The following BAHCC1 variants were observed in gnomAD, a reference collection of about 807,000 sequenced individuals.
The protein encoded by BAHCC1 is BAH domain and coiled-coil containing 1, also known as BAH and coiled-coil domain-containing protein 1.
BAHCC1 carries 43 observed loss-of-function variants against 88.2 expected under a neutral mutation model. The observed-to-expected ratio is 0.49, with a 90% CI of 0.38 to 0.63. BAHCC1 has a LOEUF of 0.63. Among genes scored for constraint, BAHCC1 ranks in the 20% least tolerant of loss-of-function variants. BAHCC1 has a pLI of 0.00. For missense variants in BAHCC1, 3,023 were observed against 1,654.8 expected (o/e 1.83, Z -14.34); for synonymous variants, 1,510 against 745.5 (o/e 2.03, Z -16.71).
Position 81,395,515 on chromosome 17 carries a change from G to A in BAHCC1, c.-327G>A, listed in dbSNP as rs898403356. ...TGGGCTCGCTAGAGTCGTTGTTGTG[G>A]AAGCGGTGCATTTACAGTGCAACAG... On this transcript the variant is annotated 5_prime_UTR_variant, in exon 1 of 28. It introduces an in-frame stop codon into an upstream open reading frame of the 5' UTR. Coordinates refer to ENST00000675386, the MANE Select transcript of BAHCC1 (RefSeq NM_001377448.1). 4 of 152,224 alleles carry A rather than the reference G, an allele frequency of 2.6e-5. No individual in the cohort carries two copies. The highest frequency in any genetic ancestry group is 4.8e-5 in the African/African-American group (2 of 41,462). 9.4% of individuals were successfully genotyped at this position (152,224 alleles called of 1,614,324 possible).
intron 3 of BAHCC1, among the ~76,000 whole-genome samples, chr17:81,436,318 C>CTGG (rs1568013443): frequency 2.6e-5 from 4 of 152,208 alleles, no homozygotes; most frequent in African/African-American, 9.6e-5. Flanking sequence ...CCCGCAGCTG[C>CTGG]CCCCAGAGGG....
chr17:81,411,006 C>G lies in BAHCC1; in HGVS notation c.178+11089C>G, dbSNP rs2063943051. ...GAGGGCTTCGGAGCCGCACCTGGGT[C>G]TTTGTTGTCCATATGTCTGTGTGAA... On this transcript the variant is annotated intron_variant, in intron 2 of 27. Transcript: ENST00000675386. The surrounding 1 kb of genome is among the most constrained non-coding windows in gnomAD (Gnocchi z 6.2). The G allele has an allele frequency of 5.9e-6, 3 of 507,116 alleles. No individual in the cohort carries two copies. Among genetic ancestry groups the G allele is most frequent in the Non-Finnish European group, 1.2e-5 (3 of 254,338 alleles). 31.4% of individuals were successfully genotyped at this position (507,116 alleles called of 1,614,324 possible).
intron 3 of BAHCC1, among the ~76,000 whole-genome samples, chr17:81,431,397 AGTG>A (rs2064259873): frequency 6.6e-6 from 1 of 152,052 alleles, no homozygotes; most frequent in Admixed American, 6.5e-5. Flanking sequence ...GTCACTGTTG[AGTG>A]CAGGGGTTTC....
chr17:81,421,976 C>T (rs1555649641), intron 2 of BAHCC1: 2 of 412,154 alleles, frequency 4.9e-6, no homozygotes, highest in Non-Finnish European at 9.7e-6. Context: ...GCGAGGGCCT[C>T]AGGGCCGGGG....
Position 81,430,716 on chromosome 17 carries a change from T to C in BAHCC1, c.358+3737T>C, listed in dbSNP as rs956457973. Reference sequence around the variant, plus strand: ...GGCCCCAGCTCCATCCTTCCTGTGATGCCTGCCAGGGACCTGCTGCTTCCT... The same window carrying C: ...GGCCCCAGCTCCATCCTTCCTGTGACGCCTGCCAGGGACCTGCTGCTTCCT... On this transcript the variant is annotated intron_variant, in intron 3 of 27. Coordinates refer to ENST00000675386, the MANE Select transcript of BAHCC1 (RefSeq NM_001377448.1). Among the ~76,000 whole-genome samples the C allele has an allele frequency of 3.7e-4, 56 of 152,230 alleles. No homozygotes were observed. In the East Asian group the frequency reaches 9.1e-3, roughly 25 times the overall value.
chr17:81,409,266 G>T (rs1365042371), intron 2 of BAHCC1, among the ~76,000 whole-genome samples: 1 of 152,234 alleles, frequency 6.6e-6, no homozygotes, highest in African/African-American at 2.4e-5. Flanking sequence ...ACACCTTAAA[G>T]GGTGTCAGAG....
Position 81,411,175 on chromosome 17 carries a change from C to T in BAHCC1, c.178+11258C>T. The stretch of plus-strand genomic sequence containing the variant: ...CAGGTGCCTGTGTCCTGTCTCTGCC[C>T]CAGGCTGAGGCCGAGGGTCTGCGCC... On this transcript the variant is annotated intron_variant, in intron 2 of 27. Transcript: ENST00000675386. The surrounding 1 kb of genome is among the most constrained non-coding windows in gnomAD (Gnocchi z 6.2). The T allele has an allele frequency of 1.9e-6, 1 of 518,696 alleles. No individual in the cohort carries two copies. Among genetic ancestry groups the T allele is most frequent in the African/African-American group, 1.9e-5 (1 of 52,034 alleles). The allele number at this position is 518,696 out of a possible 1,614,324, so 32.1% of individuals were successfully genotyped here.
intron 2 of BAHCC1, chr17:81,401,658 G>A (rs563148409): frequency 1.3e-5 from 2 of 152,318 alleles, no homozygotes; most frequent in South Asian, 2.1e-4. Flanking sequence ...GGGGGTAGGG[G>A]GATTGTGTGC....
At chr17:81,417,559 C>CG (rs1271615389) in intron 2 of BAHCC1, among the ~76,000 whole-genome samples, 1 of 98,608 alleles carries the variant, frequency 1.0e-5, no homozygotes, top group African/African-American at 3.6e-5. Flanking sequence ...TCGGCCACCC[C>CG]CCCCCCGCCC....
intron 3 of BAHCC1, among the ~76,000 whole-genome samples, chr17:81,436,186 A>G (rs1046689890): frequency 6.6e-6 from 1 of 152,000 alleles, no homozygotes; most frequent in Admixed American, 6.5e-5. Flanking sequence ...GGACCCAAGC[A>G]GGCAAGGATG....
chr17:81,452,641 G>A (rs1180176958), intron 13 of BAHCC1, 82 bp from the exon 14 acceptor site: 11 of 604,906 alleles, frequency 1.8e-5, no homozygotes, highest in Non-Finnish European at 2.7e-5. Context: ...AGTAGCCCTC[G>A]AAGGCCAATG....
Position 81,442,519 on chromosome 17 carries a change from C to T in BAHCC1, c.1170C>T (p.Ser390=), listed in dbSNP as rs373968792. 2.9e-4 allele frequency: 207 copies of T among 725,336 alleles called. 1 individual carries two copies. The highest frequency in any genetic ancestry group is 8.2e-5 in the Non-Finnish European group (32 of 390,828). The allele number at this position is 725,336 out of a possible 1,614,324, so 44.9% of individuals were successfully genotyped here. The part of the protein sequence containing the change: ...QDKAPRDLKA[S]GPTFVPSVGH... ...AAGCCCCCCGGGACCTAAAGGCCAG[C>T]GGGCCCACCTTCGTGCCTTCTGTGG... is the stretch of plus-strand genomic sequence containing the variant. The change falls in exon 5 of 28, where the codon AGC becomes AGT. Residue 390 remains serine (S), a synonymous_variant. Transcript: ENST00000675386.
Position 81,464,880 on chromosome 17 carries a change from C to G in BAHCC1, c.*1063C>G, listed in dbSNP as rs1304122037. 24 of 152,470 alleles carry G rather than the reference C, an allele frequency of 1.6e-4. No homozygotes were observed. The highest frequency in any genetic ancestry group is 5.8e-4 in the African/African-American group (24 of 41,568). The allele number at this position is 152,470 out of a possible 1,614,324, so 9.4% of individuals were successfully genotyped here. A position where few individuals can be genotyped will look rare whatever the true frequency, so the allele number is the denominator to read the frequency against. ...CAGGGCCCAGCTCTGAGCCCCTCCTCACCCCTGGGGTCCTAACTTTCCTGA... is the reference window on the plus strand; with the variant it reads ...CAGGGCCCAGCTCTGAGCCCCTCCTGACCCCTGGGGTCCTAACTTTCCTGA... On this transcript the variant is annotated 3_prime_UTR_variant, in exon 28 of 28. Transcript: ENST00000675386.
At chr17:81,460,090 G>GGC (rs1404137247) in intron 23 of BAHCC1, among the ~76,000 whole-genome samples, 187 bp from the exon 24 acceptor site, 12 of 152,258 alleles carry the variant, frequency 7.9e-5, no homozygotes, top group African/African-American at 2.6e-4. Context: ...TCACATGGGA[G>GGC]GCACTGCAGG....
At chr17:81,417,562 C>CCG (rs1555648940) in intron 2 of BAHCC1, among the ~76,000 whole-genome samples, 3 of 144,722 alleles carry the variant, frequency 2.1e-5, no homozygotes, top group East Asian at 2.2e-4. Flanking sequence ...GCCACCCCCC[C>CCG]CCCGCCCTAG....
Position 81,411,837 on chromosome 17 carries a change from C to T in BAHCC1, c.178+11920C>T, listed in dbSNP as rs1165468554. The stretch of plus-strand genomic sequence containing the variant: ...GCAAGGTCGTTCCCGACAAGCCCCT[C>T]ACCGCCCCGGCCCCTGCCCCTCCAC... On this transcript the variant is annotated intron_variant, in intron 2 of 27. Coordinates refer to ENST00000675386, the MANE Select transcript of BAHCC1 (RefSeq NM_001377448.1). The surrounding 1 kb of genome is among the most constrained non-coding windows in gnomAD (Gnocchi z 6.2). Among the ~76,000 whole-genome samples, 1 of 152,234 alleles carries T rather than the reference C, an allele frequency of 6.6e-6. No individual in the cohort carries two copies. Among genetic ancestry groups the T allele is most frequent in the Non-Finnish European group, 1.5e-5 (1 of 68,040 alleles).
chr17:81,427,326 C>T (rs2064212124), intron 3 of BAHCC1, among the ~76,000 whole-genome samples: 1 of 152,158 alleles, frequency 6.6e-6, no homozygotes, highest in Admixed American at 6.5e-5. Context: ...GTGGCCGTGC[C>T]CCACCTCCCC....
chr17:81,437,999 G>A (rs2064358961), intron 3 of BAHCC1, among the ~76,000 whole-genome samples: 1 of 152,246 alleles, frequency 6.6e-6, no homozygotes, highest in Non-Finnish European at 1.5e-5. Context: ...TTTGGCCAGG[G>A]CCTTGGCGCA....
Position 81,442,143 on chromosome 17 carries a change from G to T in BAHCC1, c.794G>T (p.Gly265Val). 1.5e-6 allele frequency: 1 copy of T among 660,728 alleles called. No homozygotes were observed. The highest frequency in any genetic ancestry group is 1.7e-5 in the South Asian group (1 of 59,496). 40.9% of individuals were successfully genotyped at this position (660,728 alleles called of 1,614,324 possible). ...CCAGCCGACGGGCACTGCAGGGAGG[G>T]CGGCCCCGCACCCCGAGGGGCCTGC... is the stretch of plus-strand genomic sequence containing the variant. ...PVPADGHCRE[G>V]GPAPRGACEG... The change falls in exon 5 of 28, where the codon GGC (glycine) becomes GTC (valine). Residue 265 changes from glycine (G) to valine (V), a missense_variant. Coordinates refer to ENST00000675386, the MANE Select transcript of BAHCC1 (RefSeq NM_001377448.1).
Sources: allele counts gnomAD v4.1 joint callset (sites outside exome capture counted in the v4.1 genomes callset), GRCh38; gene constraint gnomAD v4.1.1; non-coding constraint Gnocchi (gnomAD v3.1); transcripts MANE v1.5; gene names NCBI Gene and HGNC (gene_info 2026-07-23, HGNC 2026-07-21).